The following FHOD3 variants were observed in gnomAD, a reference collection of about 807,000 sequenced individuals.
FHOD3 encodes the protein formin homology 2 domain containing 3.
FHOD3 carries 90 observed loss-of-function variants against 173.0 expected under a neutral mutation model. The observed-to-expected ratio is 0.52, with a 90% confidence interval of 0.44 to 0.62. The LOEUF (loss-of-function observed/expected upper bound fraction) is 0.62. FHOD3 is among the 20% of genes least tolerant of loss of function. The pLI is 0.00. For synonymous variants in FHOD3, 828 were observed against 823.0 expected (o/e 1.01, Z -0.10); for missense variants, 1,945 against 2,034.7 (o/e 0.96, Z 0.85).
intron 3 of FHOD3, among the ~76,000 whole-genome samples, chr18:36,493,799 A>G (rs748478951): frequency 2.6e-4 from 40 of 152,180 alleles, no homozygotes; most frequent in Admixed American, 1.4e-3. Context: ...GAAACGTGGT[A>G]TACTTTGCAG....
At chr18:36,535,191 G>T (rs2056946475) in intron 5 of FHOD3, among the ~76,000 whole-genome samples, 1 of 152,178 alleles carries the variant, frequency 6.6e-6, no homozygotes, top group Non-Finnish European at 1.5e-5. Flanking sequence ...TTGGTCAGTT[G>T]CTTAGGTGAA....
chr18:36,575,275 A>G (rs528939900), intron 5 of FHOD3, among the ~76,000 whole-genome samples: 13 of 152,268 alleles, frequency 8.5e-5, no homozygotes, highest in African/African-American at 1.7e-4. Context: ...CCAGCCACTA[A>G]TGTAGTTTTC....
chr18:36,699,270 C>T (rs2039450702), intron 17 of FHOD3, among the ~76,000 whole-genome samples: 1 of 152,212 alleles, frequency 6.6e-6, no homozygotes, highest in African/African-American at 2.4e-5. Context: ...AAGTTTTGAA[C>T]AGCAATTAGC....
At chr18:36,562,110 G>A (rs766866085) in intron 5 of FHOD3, among the ~76,000 whole-genome samples, 4 of 151,932 alleles carry the variant, frequency 2.6e-5, no homozygotes, top group South Asian at 2.1e-4. Context: ...TCCGCCTCCC[G>A]GATTCAAGTG....
intron 4 of FHOD3, among the ~76,000 whole-genome samples, chr18:36,504,744 T>A (rs1159222391): frequency 1.1e-4 from 17 of 150,082 alleles, no homozygotes; most frequent in African/African-American, 3.9e-4. Context: ...ATAGTAATAA[T>A]AATAAAAGTA....
chr18:36,652,506 A>T lies in FHOD3; in HGVS notation c.1287-64A>T, dbSNP rs1049496631. On this transcript the variant is annotated intron_variant, in intron 11 of 28. Transcript: ENST00000590592. ...TTTTTGCCTGTCTCTCTTTTTCCTA[A>T]CCTTTGCTCCTTCTCTCCCAAATCT... The T allele has an allele frequency of 4.8e-6, 7 of 1,464,340 alleles. No individual in the cohort carries two copies. The African/African-American group carries it at 7.1e-5, about 15-fold the overall frequency. The allele number at this position is 1,464,340 out of a possible 1,614,324, so 90.7% of individuals were successfully genotyped here. A position where few individuals can be genotyped will look rare whatever the true frequency, so the allele number is the denominator to read the frequency against.
Position 36,512,404 on chromosome 18 carries a change from G to A in FHOD3, c.406-34G>A, listed in dbSNP as rs2055706044. ...CTGGGATGGAAGGTGGACAGGGACA[G>A]TATTTGAAGTATTTTTGTTTTCTTT... On this transcript the variant is annotated intron_variant, in intron 4 of 28. Transcript: ENST00000590592. 2.0e-6 allele frequency: 3 copies of A among 1,485,106 alleles called. No homozygotes were observed. In the East Asian group the frequency reaches 6.8e-5, roughly 34 times the overall value. 92.0% of individuals were successfully genotyped at this position (1,485,106 alleles called of 1,614,324 possible). A position where few individuals can be genotyped will look rare whatever the true frequency, so the allele number is the denominator to read the frequency against.
chr18:36,630,774 A>G (rs2034456525), intron 10 of FHOD3, among the ~76,000 whole-genome samples: 1 of 152,250 alleles, frequency 6.6e-6, no homozygotes. Context: ...CTGATGGTCA[A>G]GAAGGAAAAA....
At chr18:36,666,452 TAG>T (rs2037187806) in intron 14 of FHOD3, among the ~76,000 whole-genome samples, 2 of 152,364 alleles carry the variant, frequency 1.3e-5, no homozygotes, top group South Asian at 4.1e-4. Flanking sequence ...GGGCATAACT[TAG>T]AGTTACCTCT....
chr18:36,518,006 G>A (rs1024498684), intron 5 of FHOD3, among the ~76,000 whole-genome samples: 2 of 152,162 alleles, frequency 1.3e-5, no homozygotes, highest in Non-Finnish European at 2.9e-5. Context: ...CATGGAAAGA[G>A]ATTTTATGAT....
At chr18:36,706,277 GAC>G (rs1365805574) in intron 17 of FHOD3, among the ~76,000 whole-genome samples, 2 of 152,120 alleles carry the variant, frequency 1.3e-5, no homozygotes, top group Non-Finnish European at 2.9e-5. Flanking sequence ...GAATGTGTGT[GAC>G]AGTTATTTAA....
At chr18:36,342,588 T>G (rs1361183297) in intron 1 of FHOD3, among the ~76,000 whole-genome samples, 1 of 152,190 alleles carries the variant, frequency 6.6e-6, no homozygotes, top group Non-Finnish European at 1.5e-5. Flanking sequence ...TAACTACTAA[T>G]GTAGCATTCT....
intron 5 of FHOD3, among the ~76,000 whole-genome samples, chr18:36,565,805 C>A (rs1247689458): frequency 6.6e-6 from 1 of 152,156 alleles, no homozygotes; most frequent in African/African-American, 2.4e-5. Flanking sequence ...ACTCACACAT[C>A]AGTGAGAGGA....
rs1328942373 is a variant in FHOD3 at position 36,717,920 on chromosome 18, G to A, written c.2622G>A (p.Leu874=). The A allele has an allele frequency of 1.2e-6, 2 of 1,613,956 alleles. No individual in the cohort carries two copies. The highest frequency in any genetic ancestry group is 1.7e-6 in the Non-Finnish European group (2 of 1,179,944). ...LTNKRFMLDM[L]YAHNRKSPDD... ...ACAAACGGTTCATGCTTGACATGCT[G>A]TATGCCCATAACAGGAAGTCTCCGG... The change falls in exon 19 of 29, where the codon CTG becomes CTA. Residue 874 remains leucine (L), a synonymous_variant. Coordinates refer to ENST00000590592, the MANE Select transcript of FHOD3 (RefSeq NM_001281740.3).
At position 36,419,197 on chromosome 18, in the gene FHOD3, A is replaced by G. The variant is rs73418971; in HGVS notation, c.337+46453A>G. On this transcript the variant is annotated intron_variant, in intron 3 of 28. Coordinates refer to ENST00000590592, the MANE Select transcript of FHOD3 (RefSeq NM_001281740.3). ...TTCAAAGGAATTTTAAAATAATTAT[A>G]ATTTGCCGTCTTCTCCTTGGTCAGA... Among the ~76,000 whole-genome samples the G allele has an allele frequency of 3.8e-3, 572 of 151,796 alleles. 7 individuals are homozygous for G. Among genetic ancestry groups the G allele is most frequent in the African/African-American group, 0.013 (545 of 41,426 alleles).
intron 3 of FHOD3, among the ~76,000 whole-genome samples, chr18:36,395,361 A>G (rs1377745294): frequency 1.3e-5 from 2 of 151,962 alleles, no homozygotes; most frequent in African/African-American, 2.4e-5. Context: ...ATGCATAGCC[A>G]TTGTAAACTA....
intron 6 of FHOD3, among the ~76,000 whole-genome samples, chr18:36,592,432 A>C (rs1212094084): frequency 6.6e-6 from 1 of 152,208 alleles, no homozygotes; most frequent in Non-Finnish European, 1.5e-5. Flanking sequence ...AAAAACGCTC[A>C]CACAACTGTA....
At chr18:36,513,858 C>CT (rs1406013890) in intron 5 of FHOD3, among the ~76,000 whole-genome samples, 2 of 151,952 alleles carry the variant, frequency 1.3e-5, no homozygotes, top group East Asian at 3.9e-4. Flanking sequence ...TCCTGAGCCT[C>CT]TCACTTTGCT....
intron 10 of FHOD3, among the ~76,000 whole-genome samples, chr18:36,629,780 T>C (rs2034377492): frequency 2.6e-5 from 4 of 151,954 alleles, no homozygotes; most frequent in Admixed American, 6.6e-5. Context: ...GAGGGGACTA[T>C]GTGATGAGTC....
Sources: gnomAD v4.1 joint callset for allele counts (sites outside exome capture counted in the v4.1 genomes callset) on GRCh38, gnomAD v4.1.1 for gene constraint, MANE v1.5 for transcripts, NCBI Gene and HGNC (gene_info 2026-07-23, HGNC 2026-07-21) for gene names.